Variants in RGS6 observed in about 807,000 individuals in gnomAD.
RGS6 encodes regulator of G-protein signaling 6.
In RGS6, 30 loss-of-function variants were observed where a neutral mutation model predicts 78.5. The observed-to-expected ratio is 0.38, with a 90% confidence interval of 0.29 to 0.52. RGS6 has a LOEUF of 0.52. Ranked by LOEUF, RGS6 falls within the 20% of genes least tolerant of loss-of-function variation. The pLI is 0.85. For synonymous variants in RGS6, 206 were observed against 206.0 expected (o/e 1.00, Z 0.00); for missense variants, 495 against 609.7 (o/e 0.81, Z 1.98).
intron 2 of RGS6, among the ~76,000 whole-genome samples, chr14:71,975,028 C>T (rs1248549564): frequency 6.6e-6 from 1 of 152,148 alleles, no homozygotes; most frequent in African/African-American, 2.4e-5. Context: ...TTAGTACATG[C>T]CTGTAGTCCC....
chr14:72,443,263 A>G (rs2095265966), intron 3 of RGS6, among the ~76,000 whole-genome samples: 1 of 152,158 alleles, frequency 6.6e-6, no homozygotes, highest in African/African-American at 2.4e-5. Context: ...GGCTGGCCCC[A>G]TTTTGCAGAT....
intron 4 of RGS6, among the ~76,000 whole-genome samples, chr14:72,456,901 A>C (rs1227689183): frequency 6.6e-6 from 1 of 151,580 alleles, no homozygotes; most frequent in African/African-American, 2.4e-5. Flanking sequence ...AAGATGGCAA[A>C]ACCCTACCTC....
chr14:72,528,598 T>C lies in RGS6; in HGVS notation c.1279-7588T>C, dbSNP rs574305394. Among the ~76,000 whole-genome samples, 90 of 152,202 alleles carry C rather than the reference T, an allele frequency of 5.9e-4. 2 individuals carry two copies. The South Asian group carries it at 0.018, about 31-fold the overall frequency. ...TAGTTCTGCTTGTTCATAGTCAGCTTAGTCATCTCTGTTGTAGAAAGAGAA... is the reference window on the plus strand; with the variant it reads ...TAGTTCTGCTTGTTCATAGTCAGCTCAGTCATCTCTGTTGTAGAAAGAGAA... On this transcript the variant is annotated intron_variant, in intron 15 of 17. Coordinates refer to ENST00000553525, the MANE Select transcript of RGS6 (RefSeq NM_001204424.2).
chr14:72,603,035 G>C, the RGS6 span, among the ~76,000 whole-genome samples: 1 of 152,210 alleles, frequency 6.6e-6, no homozygotes, highest in African/African-American at 2.4e-5. Flanking sequence ...TTTAGGTGTT[G>C]TTTGTAAATA....
At chr14:72,048,579 CCAGT>C (rs952074622) in intron 2 of RGS6, among the ~76,000 whole-genome samples, 322 of 152,260 alleles carry the variant, frequency 2.1e-3, no homozygotes, top group African/African-American at 7.4e-3. Context: ...TTAGAAGTTT[CCAGT>C]CAATCATTGC....
intron 2 of RGS6, among the ~76,000 whole-genome samples, chr14:72,077,181 A>G (rs1036941759): frequency 1.3e-5 from 2 of 151,830 alleles, no homozygotes; most frequent in African/African-American, 4.8e-5. Context: ...ACTTATATTG[A>G]TTTGTAATTA....
intron 6 of RGS6, among the ~76,000 whole-genome samples, chr14:72,461,238 C>G (rs1220641177): frequency 2.6e-5 from 4 of 152,156 alleles, no homozygotes; most frequent in Non-Finnish European, 4.4e-5. Flanking sequence ...AATGTGAAAA[C>G]CAGTATTTTT....
At chr14:71,952,124 T>C (rs2152998136) in intron 1 of RGS6, among the ~76,000 whole-genome samples, 2 of 152,310 alleles carry the variant, frequency 1.3e-5, no homozygotes, top group Admixed American at 1.3e-4. Flanking sequence ...TTTTCTTGCC[T>C]GTTGTATAGG....
chr14:72,593,426 C>A, the RGS6 span, among the ~76,000 whole-genome samples: 1 of 152,090 alleles, frequency 6.6e-6, no homozygotes, highest in Non-Finnish European at 1.5e-5. Context: ...TGCTCTGTTG[C>A]CCAGGCTGGA....
At chr14:72,469,935 T>C (rs1005907211) in intron 7 of RGS6, 72 bp from the exon 8 acceptor site, 51 of 1,086,510 alleles carry the variant, frequency 4.7e-5, no homozygotes, top group Non-Finnish European at 6.9e-5. Context: ...GGATGCCTTA[T>C]AATAAGCATA....
chr14:72,465,654 A>C, intron 6 of RGS6, 104 bp from the exon 7 acceptor site: 1 of 763,276 alleles, frequency 1.3e-6, no homozygotes, highest in Non-Finnish European at 2.3e-6. Context: ...GGATGGATGG[A>C]TGGATGGGTG....
At chr14:72,463,067 T>TC (rs1163060478) in intron 6 of RGS6, among the ~76,000 whole-genome samples, 5 of 152,382 alleles carry the variant, frequency 3.3e-5, no homozygotes, top group Middle Eastern at 3.4e-3. Flanking sequence ...ATGAATGTGT[T>TC]CCCTTTATAC....
intron 2 of RGS6, among the ~76,000 whole-genome samples, chr14:72,080,649 C>T (rs564301078): frequency 9.2e-5 from 14 of 151,952 alleles, no homozygotes; most frequent in Middle Eastern, 3.2e-3. Flanking sequence ...TTTACAGTTT[C>T]GAATCTTAGG....
chr14:72,250,850 AG>A (rs1319304521), intron 2 of RGS6, among the ~76,000 whole-genome samples: 6 of 152,232 alleles, frequency 3.9e-5, no homozygotes, highest in African/African-American at 1.4e-4. Context: ...TAGATCCTGT[AG>A]GGGCAAAGAT....
intron 2 of RGS6, among the ~76,000 whole-genome samples, chr14:72,246,066 TG>T (rs1249123490): frequency 6.6e-6 from 1 of 152,234 alleles, no homozygotes. Flanking sequence ...CACCATATTT[TG>T]GGGTAGTATG....
intron 2 of RGS6, among the ~76,000 whole-genome samples, chr14:72,036,127 AT>A (rs773716247): frequency 1.3e-5 from 2 of 151,968 alleles, no homozygotes; most frequent in Non-Finnish European, 2.9e-5. Context: ...CCTACCGTAT[AT>A]AATCTTTTGA....
chr14:72,564,374 A>G lies in RGS6; in HGVS notation c.*1907A>G, dbSNP rs891151310. ...GGCTGGTACTTTGGAGGCACTAACCACTTGATGAGTAAATCAATGGCATAA... is the reference window on the plus strand; with the variant it reads ...GGCTGGTACTTTGGAGGCACTAACCGCTTGATGAGTAAATCAATGGCATAA... On this transcript the variant is annotated 3_prime_UTR_variant, in exon 18 of 18. Coordinates refer to ENST00000553525, the MANE Select transcript of RGS6 (RefSeq NM_001204424.2). 1.3e-5 allele frequency: 2 copies of G among 152,216 alleles called. No individual in the cohort carries two copies. The highest frequency in any genetic ancestry group is 2.9e-5 in the Non-Finnish European group (2 of 68,046). 9.4% of individuals were successfully genotyped at this position (152,216 alleles called of 1,614,324 possible).
chr14:72,628,689 G>A, the RGS6 span, among the ~76,000 whole-genome samples: 1 of 150,830 alleles, frequency 6.6e-6, no homozygotes, highest in East Asian at 2.0e-4. Context: ...GAGAGAGAGA[G>A]ATAAAGACAG....
At chr14:72,347,826 T>C (rs1162903797) in intron 2 of RGS6, among the ~76,000 whole-genome samples, 1 of 152,200 alleles carries the variant, frequency 6.6e-6, no homozygotes, top group Non-Finnish European at 1.5e-5. Flanking sequence ...TACCCCTTTT[T>C]AAGGTAAAAT....
Sources: allele counts gnomAD v4.1 joint callset (sites outside exome capture counted in the v4.1 genomes callset), GRCh38; gene constraint gnomAD v4.1.1; transcripts MANE v1.5; gene names NCBI Gene and HGNC (gene_info 2026-07-23, HGNC 2026-07-21).